Variants in BCAR3 observed in about 807,000 individuals in gnomAD.
BCAR3 encodes BCAR3 adaptor protein, NSP family member.
In BCAR3, 37 loss-of-function variants were observed where a neutral mutation model predicts 80.1. That is an observed-to-expected ratio of 0.46 (90% confidence interval 0.36 to 0.61). The LOEUF is 0.61. Among genes scored for constraint, BCAR3 ranks in the 20% least tolerant of loss-of-function variants. The probability of loss-of-function intolerance (pLI) is 0.00; values close to 1 mark genes in which losing one functional copy is unlikely to be tolerated. For missense variants in BCAR3, 978 were observed against 1,068.2 expected, an observed-to-expected ratio of 0.92 and a Z score of 1.18; for synonymous variants, 389 against 418.9, an observed-to-expected ratio of 0.93 and a Z score of 0.87.
intron 5 of BCAR3, among the ~76,000 whole-genome samples, chr1:93,588,761 C>T (rs191877649): frequency 6.6e-6 from 1 of 152,024 alleles, no homozygotes; most frequent in Admixed American, 6.6e-5. Flanking sequence ...CCATCAGCAC[C>T]CCCCGAAATT....
At chr1:93,675,925 C>CAAAAAAA (rs58706715) in intron 1 of BCAR3, among the ~76,000 whole-genome samples, 1,663 of 51,394 alleles carry the variant, frequency 0.032, 94 homozygotes, top group Middle Eastern at 0.054. Context: ...AAATAGGAGA[C>CAAAAAAA]AAAAAAAAAA....
chr1:93,728,787 C>G (rs1044260123), intron 2 of BCAR3, among the ~76,000 whole-genome samples: 1 of 152,182 alleles, frequency 6.6e-6, no homozygotes, highest in Non-Finnish European at 1.5e-5. Flanking sequence ...CTGCTTCTCT[C>G]AACATCCAGC....
chr1:93,711,201 C>A (rs143459192), intron 2 of BCAR3, among the ~76,000 whole-genome samples: 12 of 152,348 alleles, frequency 7.9e-5, no homozygotes, highest in African/African-American at 2.6e-4. Context: ...ACCCTTGATG[C>A]AGTGTGGGAG....
chr1:93,638,135 G>C (rs1247574360), intron 3 of BCAR3, among the ~76,000 whole-genome samples: 2 of 152,226 alleles, frequency 1.3e-5, no homozygotes, highest in Admixed American at 6.5e-5. Flanking sequence ...TGTAGTTCCA[G>C]CTACTCGGGA....
At chr1:93,787,453 A>G (rs1652986587) in intron 2 of BCAR3, among the ~76,000 whole-genome samples, 1 of 152,180 alleles carries the variant, frequency 6.6e-6, no homozygotes, top group African/African-American at 2.4e-5. Context: ...ATTTAATGCT[A>G]CGAACTTTCC....
intron 3 of BCAR3, among the ~76,000 whole-genome samples, chr1:93,608,362 G>C (rs2101875470): frequency 6.6e-6 from 1 of 152,230 alleles, no homozygotes; most frequent in Admixed American, 6.5e-5. Flanking sequence ...CTGTTCCTGG[G>C]GATACCCAAG....
At chr1:93,668,278 C>T (rs374097585) in intron 2 of BCAR3, among the ~76,000 whole-genome samples, 3 of 152,208 alleles carry the variant, frequency 2.0e-5, no homozygotes, top group African/African-American at 7.2e-5. Context: ...GCTGAGAATG[C>T]GTAGATCCTG....
At chr1:93,715,166 T>A (rs1283049441) in intron 2 of BCAR3, among the ~76,000 whole-genome samples, 1 of 152,262 alleles carries the variant, frequency 6.6e-6, no homozygotes, top group Non-Finnish European at 1.5e-5. Context: ...TCTTCCCCCC[T>A]GCTATTCTTC....
intron 3 of BCAR3, among the ~76,000 whole-genome samples, chr1:93,689,280 G>T (rs1303420868): frequency 1.3e-5 from 2 of 152,074 alleles, no homozygotes; most frequent in African/African-American, 4.8e-5. Context: ...TGAGGTCAGA[G>T]GTTCGAGACC....
At chr1:93,746,383 TA>T (rs1286855293) in intron 2 of BCAR3, among the ~76,000 whole-genome samples, 1 of 152,192 alleles carries the variant, frequency 6.6e-6, no homozygotes, top group African/African-American at 2.4e-5. Flanking sequence ...CCTCTTGAAG[TA>T]AACACTTGCA....
chr1:93,712,018 C>T (rs1172814198), intron 2 of BCAR3, among the ~76,000 whole-genome samples: 1 of 152,164 alleles, frequency 6.6e-6, no homozygotes, highest in Non-Finnish European at 1.5e-5. Flanking sequence ...GGGCTGAGAT[C>T]CTAAATTTCG....
In BCAR3 at chr1:93,714,594, C is replaced by G. The variant is rs925723560; in HGVS notation, c.-62-8452G>C. On this transcript the variant is annotated intron_variant, in intron 2 of 13. Transcript: ENST00000370244. The stretch of plus-strand genomic sequence containing the variant: ...AATCTGAAGCAACTTACCCTGAGAT[C>G]AGCCTTCATGAATTCATCAAATCCC... 2.6e-5 allele frequency among the ~76,000 whole-genome samples: 4 copies of G among 152,190 alleles called. No homozygotes were observed. In the South Asian group the frequency reaches 8.3e-4, roughly 32 times the overall value.
chr1:93,669,158 T>A (rs1648084041), intron 2 of BCAR3, among the ~76,000 whole-genome samples: 1 of 152,206 alleles, frequency 6.6e-6, no homozygotes, highest in Admixed American at 6.5e-5. Context: ...ATCCTTCTGA[T>A]TAACCCTGAG....
intron 7 of BCAR3, among the ~76,000 whole-genome samples, chr1:93,582,000 G>A (rs1201486847): frequency 6.6e-6 from 1 of 152,158 alleles, no homozygotes; most frequent in Non-Finnish European, 1.5e-5. Context: ...AGGGGTGGGT[G>A]GGAGAAGAGG....
chr1:93,725,235 A>T (rs1044686917), intron 2 of BCAR3, among the ~76,000 whole-genome samples: 1 of 152,206 alleles, frequency 6.6e-6, no homozygotes, highest in African/African-American at 2.4e-5. Flanking sequence ...ACCAGTAGGC[A>T]CTCAAAAATA....
intron 2 of BCAR3, among the ~76,000 whole-genome samples, chr1:93,658,736 G>C (rs1171386692): frequency 6.6e-6 from 1 of 152,194 alleles, no homozygotes; most frequent in Non-Finnish European, 1.5e-5. Flanking sequence ...CTGAGGGCAG[G>C]GACTAGAAGG....
intron 1 of BCAR3, among the ~76,000 whole-genome samples, chr1:93,679,118 C>A (rs1648632700): frequency 6.6e-6 from 1 of 152,220 alleles, no homozygotes. Context: ...AGTTACTCAA[C>A]CTGACGGTTT....
chr1:93,765,641 A>G (rs1363562483), intron 2 of BCAR3, among the ~76,000 whole-genome samples: 2 of 151,756 alleles, frequency 1.3e-5, no homozygotes, highest in African/African-American at 4.8e-5. Flanking sequence ...GTGTGGTAAG[A>G]ACACTTAACA....
intron 3 of BCAR3, among the ~76,000 whole-genome samples, chr1:93,619,040 G>A (rs909885518): frequency 1.3e-5 from 2 of 150,820 alleles, no homozygotes; most frequent in African/African-American, 2.4e-5. Flanking sequence ...CCAGGTTCGA[G>A]CAATTCTCCT....
Sources: gnomAD v4.1 joint callset for allele counts (sites outside exome capture counted in the v4.1 genomes callset) on GRCh38, gnomAD v4.1.1 for gene constraint, MANE v1.5 for transcripts, NCBI Gene and HGNC (gene_info 2026-07-23, HGNC 2026-07-21) for gene names.